The following SEMA4D variants were observed in gnomAD, a reference collection of about 807,000 sequenced individuals.
SEMA4D encodes semaphorin-4D.
A neutral mutation model predicts 74.8 loss-of-function variants in SEMA4D; 22 were observed. The ratio of observed to expected loss-of-function variants is 0.29; its 90% CI spans 0.21 to 0.42. The LOEUF is 0.42. Ranked by LOEUF, SEMA4D falls within the 10% of genes least tolerant of loss-of-function variation. The pLI, the probability that SEMA4D is intolerant of heterozygous loss-of-function variation, is 1.00. For synonymous variants in SEMA4D, 445 were observed against 463.7 expected, an observed-to-expected ratio of 0.96 and a Z score of 0.52; for missense variants, 937 against 1,118.4, an observed-to-expected ratio of 0.84 and a Z score of 2.31.
At chr9:89,466,473 G>A (rs1858736860) in intron 1 of SEMA4D, among the ~76,000 whole-genome samples, 1 of 152,126 alleles carries the variant, frequency 6.6e-6, no homozygotes, top group African/African-American at 2.4e-5. Context: ...TCACAGGCCA[G>A]GTGAACACAT....
At chr9:89,403,988 A>G (rs1279171780) in intron 3 of SEMA4D, among the ~76,000 whole-genome samples, 2 of 152,222 alleles carry the variant, frequency 1.3e-5, no homozygotes, top group Admixed American at 6.5e-5. Context: ...CCCATGTGGA[A>G]GAGAGATGCA....
At chr9:89,377,032 G>A, downstream of SEMA4D, 1 of 1,541,250 alleles carries the variant, frequency 6.5e-7, no homozygotes, top group Non-Finnish European at 8.8e-7. Context: ...CAGGAGGAGG[G>A]AGGGGCTTAG....
intron 5 of SEMA4D, 42 bp downstream of exon 5, chr9:89,399,234 A>G: frequency 1.3e-6 from 2 of 1,537,782 alleles, no homozygotes; most frequent in Non-Finnish European, 9.0e-7. Context: ...CAACCAAGAA[A>G]TACTTGAATG....
intron 2 of SEMA4D, among the ~76,000 whole-genome samples, chr9:89,424,141 ACCT>A (rs1290996257): frequency 6.6e-6 from 1 of 151,694 alleles, no homozygotes; most frequent in Non-Finnish European, 1.5e-5. Context: ...CTCCCTCAGC[ACCT>A]CCTCCTCCCC....
At chr9:89,466,881 A>C (rs994844261) in intron 1 of SEMA4D, among the ~76,000 whole-genome samples, 2 of 152,084 alleles carry the variant, frequency 1.3e-5, no homozygotes, top group African/African-American at 4.8e-5. Flanking sequence ...CTCCCTCCCC[A>C]CAGTGGTCTT....
rs772011618 is a variant in SEMA4D at position 89,393,523 on chromosome 9, T to G, written c.508+39A>C. ...CTGTTTGGTAATTAACATGCCACTGTAATCTTCACGGTGAAGGAACTGGAG... is the reference window on the plus strand; with the variant it reads ...CTGTTTGGTAATTAACATGCCACTGGAATCTTCACGGTGAAGGAACTGGAG... On this transcript the variant is annotated intron_variant, in intron 7 of 15. Coordinates refer to ENST00000422704, the MANE Select transcript of SEMA4D (RefSeq NM_001371194.2). The G allele has an allele frequency of 2.0e-6, 3 of 1,497,334 alleles. No homozygotes were observed. The South Asian group carries it at 3.4e-5, about 17-fold the overall frequency. The allele number at this position is 1,497,334 out of a possible 1,614,324, so 92.8% of individuals were successfully genotyped here.
At chr9:89,483,881 G>A (rs907059504) in intron 1 of SEMA4D, among the ~76,000 whole-genome samples, 32 of 152,204 alleles carry the variant, frequency 2.1e-4, no homozygotes, top group African/African-American at 7.5e-4. Flanking sequence ...AAATGTTTTA[G>A]CAATATGGTC....
intron 1 of SEMA4D, among the ~76,000 whole-genome samples, chr9:89,471,731 GAGGTGCATGCCAGCTC>G (rs890896056): frequency 4.6e-5 from 7 of 150,796 alleles, no homozygotes; most frequent in African/African-American, 1.5e-4. Flanking sequence ...CATACAGGCT[GAGGTGCATGCCAGCTC>G]AGGTGCATGC....
chr9:89,452,380 G>A (rs1054936074), intron 2 of SEMA4D, among the ~76,000 whole-genome samples: 21 of 151,496 alleles, frequency 1.4e-4, no homozygotes, highest in Non-Finnish European at 2.4e-4. Context: ...AGGTTTCACC[G>A]TGTTAGCCAG....
intron 8 of SEMA4D, among the ~76,000 whole-genome samples, chr9:89,391,852 C>T (rs1281653857): frequency 6.6e-6 from 1 of 152,244 alleles, no homozygotes; most frequent in African/African-American, 2.4e-5. Flanking sequence ...GCCGACTGTC[C>T]CTGAATCTGG....
chr9:89,384,846 T>C (rs1008280003), intron 13 of SEMA4D: 3 of 985,280 alleles, frequency 3.0e-6, no homozygotes, highest in East Asian at 1.1e-4. Flanking sequence ...AGCCACTTCC[T>C]GCTGCCATGG....
At chr9:89,363,273 C>CCG (rs1554729745) in intron 18 of SEMA4D, among the ~76,000 whole-genome samples, 2 of 152,270 alleles carry the variant, frequency 1.3e-5, no homozygotes, top group South Asian at 4.1e-4. Flanking sequence ...GATTTCCCCC[C>CCG]CCAGTGTTGC....
chr9:89,455,146 C>T (rs1855625066), intron 2 of SEMA4D, among the ~76,000 whole-genome samples: 1 of 152,250 alleles, frequency 6.6e-6, no homozygotes, highest in African/African-American at 2.4e-5. Flanking sequence ...ACAGGGAGGG[C>T]CCAGTGCCCT....
chr9:89,401,946 AGGAG>A (rs761130857), intron 4 of SEMA4D, among the ~76,000 whole-genome samples: 2 of 151,402 alleles, frequency 1.3e-5, no homozygotes, highest in Non-Finnish European at 2.9e-5. Context: ...GAGACTGAGG[AGGAG>A]GAACACCTGC....
At position 89,379,204 on chromosome 9, in the gene SEMA4D, G is replaced by A; in HGVS notation, c.2089C>T (p.Leu697Phe). 2 of 1,613,936 alleles carry A rather than the reference G, an allele frequency of 1.2e-6. No individual in the cohort carries two copies. Among genetic ancestry groups the A allele is most frequent in the Non-Finnish European group, 1.7e-6 (2 of 1,179,938 alleles). Residue 697 changes from leucine (L) to phenylalanine (F), a missense_variant, in exon 16 of 16, where the codon CTT becomes TTT. Physicochemically the swap from Leu to Phe is conservative, Grantham distance 22. Transcript: ENST00000422704. ...CCGGTGGGCGCAGGCTTGGGAGGAAGGGTGATGGCCCCGGAGGAGGTGGCC... is the reference window on the plus strand; with the variant it reads ...CCGGTGGGCGCAGGCTTGGGAGGAAAGGTGATGGCCCCGGAGGAGGTGGCC... ...VQATSSGAIT[L>F]PPKPAPTGTS...
At chr9:89,485,816 A>G (rs35618469) in intron 1 of SEMA4D, among the ~76,000 whole-genome samples, 1 of 79,162 alleles carries the variant, frequency 1.3e-5, no homozygotes, top group African/African-American at 3.6e-5. Flanking sequence ...AAAAAAAAAG[A>G]AAAAAAAAAA....
chr9:89,438,313 T>C (rs1369145523), intron 2 of SEMA4D, among the ~76,000 whole-genome samples: 2 of 152,262 alleles, frequency 1.3e-5, no homozygotes, highest in Non-Finnish European at 2.9e-5. Context: ...TGTGCTCATG[T>C]GGATGCCACA....
chr9:89,400,282 C>T (rs898183782), intron 4 of SEMA4D, among the ~76,000 whole-genome samples: 1 of 152,228 alleles, frequency 6.6e-6, no homozygotes, highest in Non-Finnish European at 1.5e-5. Flanking sequence ...CCAAAGCCCC[C>T]ACAGAATAGA....
At chr9:89,382,665 A>G (rs1837401659) in intron 13 of SEMA4D, among the ~76,000 whole-genome samples, 1 of 152,230 alleles carries the variant, frequency 6.6e-6, no homozygotes, top group Non-Finnish European at 1.5e-5. Flanking sequence ...GACATCCCAG[A>G]TCACAGTTCG....
Sources: gnomAD v4.1 joint callset for allele counts (sites outside exome capture counted in the v4.1 genomes callset) on GRCh38, gnomAD v4.1.1 for gene constraint, MANE v1.5 for transcripts, NCBI Gene and HGNC (gene_info 2026-07-23, HGNC 2026-07-21) for gene names.